The following RANBP2 variants were observed in gnomAD, a reference collection of about 807,000 sequenced individuals.
RANBP2 encodes RAN binding protein 2.
Under a neutral mutation model 303.6 loss-of-function variants are expected in RANBP2, and 57 were observed. The observed-to-expected ratio is 0.19, with a 90% confidence interval of 0.15 to 0.23. The LOEUF is 0.23. RANBP2 is among the 10% of genes least tolerant of loss of function. RANBP2 has a pLI of 1.00. For missense variants in RANBP2, 3,138 were observed against 3,780.8 expected (o/e 0.83, Z 4.46); for synonymous variants, 1,167 against 1,301.5 (o/e 0.90, Z 2.23).
chr2:109,531,956 C>A, the RANBP2 span, among the ~76,000 whole-genome samples: 57 of 152,346 alleles, frequency 3.7e-4, no homozygotes, highest in African/African-American at 1.3e-3. Flanking sequence ...AGATCTTTTT[C>A]AGGGTGACAG....
the RANBP2 span, among the ~76,000 whole-genome samples, chr2:108,837,037 CT>C: frequency 6.6e-6 from 1 of 151,890 alleles, no homozygotes; most frequent in Non-Finnish European, 1.5e-5. Context: ...AATTTGGATA[CT>C]TTTTATTTCT....
the RANBP2 span, among the ~76,000 whole-genome samples, chr2:108,898,394 G>A: frequency 3.6e-4 from 55 of 152,146 alleles, no homozygotes; most frequent in Non-Finnish European, 7.8e-4. Flanking sequence ...GTTGAGTGGG[G>A]AATTTGGATG....
the RANBP2 span, among the ~76,000 whole-genome samples, chr2:109,309,313 G>A: frequency 6.7e-6 from 1 of 150,322 alleles, no homozygotes; most frequent in Non-Finnish European, 1.5e-5. Context: ...ATCAGCTTAA[G>A]GAGATTTTGG....
chr2:109,102,762 A>T, the RANBP2 span, among the ~76,000 whole-genome samples: 1 of 152,134 alleles, frequency 6.6e-6, no homozygotes, highest in Admixed American at 6.5e-5. Context: ...AGGGTGTTCT[A>T]CTCTCTGCTG....
chr2:109,567,115 T>C, the RANBP2 span, among the ~76,000 whole-genome samples: 1 of 152,144 alleles, frequency 6.6e-6, no homozygotes, highest in African/African-American at 2.4e-5. Context: ...TTATTGAAAG[T>C]CACTGTTAGG....
chr2:109,516,034 T>A, the RANBP2 span, among the ~76,000 whole-genome samples: 9,751 of 152,232 alleles, frequency 0.064, 470 homozygotes, highest in African/African-American at 0.14. Flanking sequence ...GCTAACTACC[T>A]GCTTAATGCT....
the RANBP2 span, among the ~76,000 whole-genome samples, chr2:109,102,395 C>T: frequency 6.7e-6 from 1 of 150,014 alleles, no homozygotes; most frequent in Non-Finnish European, 1.5e-5. Flanking sequence ...CCACCGCGCC[C>T]GGCTGCCCAT....
the RANBP2 span, among the ~76,000 whole-genome samples, chr2:109,088,209 C>T: frequency 6.6e-6 from 1 of 151,830 alleles, no homozygotes; most frequent in East Asian, 1.9e-4. Flanking sequence ...CCATCCTGGC[C>T]AACATGGTGA....
chr2:109,442,085 G>A, the RANBP2 span, among the ~76,000 whole-genome samples: 32 of 152,174 alleles, frequency 2.1e-4, no homozygotes, highest in Admixed American at 2.1e-3. Flanking sequence ...GCTGAGACGG[G>A]TGGATCACGA....
chr2:109,307,397 G>A, the RANBP2 span, among the ~76,000 whole-genome samples: 1 of 151,766 alleles, frequency 6.6e-6, no homozygotes, highest in Non-Finnish European at 1.5e-5. Flanking sequence ...GCTCTGGGCG[G>A]AAGCTTGGAG....
chr2:109,614,954 G>C, the RANBP2 span: 6 of 1,525,590 alleles, frequency 3.9e-6, no homozygotes, highest in African/African-American at 2.8e-5. Context: ...CTCGCAGGAA[G>C]AACTCGCGGC....
the RANBP2 span, among the ~76,000 whole-genome samples, chr2:109,657,147 T>C: frequency 3.3e-5 from 5 of 152,136 alleles, no homozygotes; most frequent in Admixed American, 6.5e-5. Context: ...GGTTATTGAC[T>C]CTGCTCTGTG....
In RANBP2 at chr2:108,747,057, C is replaced by A. The variant is rs190740676; in HGVS notation, c.1063+259C>A. On this transcript the variant is annotated intron_variant, in intron 8 of 28. Coordinates refer to ENST00000283195, the MANE Select transcript of RANBP2 (RefSeq NM_006267.5). ...TTTATCTGGCTGCTAGAGCCTCTATCCTGAATATTTAGTCACTTCCTGAAC... is the reference window on the plus strand; with the variant it reads ...TTTATCTGGCTGCTAGAGCCTCTATACTGAATATTTAGTCACTTCCTGAAC... 3.3e-5 allele frequency among the ~76,000 whole-genome samples: 5 copies of A among 152,280 alleles called. No individual in the cohort carries two copies. In the East Asian group the frequency reaches 9.7e-4, roughly 29 times the overall value.
chr2:108,897,379 T>C, the RANBP2 span: 2 of 772,094 alleles, frequency 2.6e-6, no homozygotes, highest in Non-Finnish European at 2.1e-6. Context: ...AACAAATGCA[T>C]AACTTAAGGC....
chr2:109,731,861 C>T, the RANBP2 span, among the ~76,000 whole-genome samples: 2 of 146,510 alleles, frequency 1.4e-5, no homozygotes, highest in Non-Finnish European at 3.0e-5. Flanking sequence ...TTTTTTTTGG[C>T]GAGGAGGGCA....
At chr2:109,557,000 A>G in the RANBP2 span, among the ~76,000 whole-genome samples, 2 of 152,222 alleles carry the variant, frequency 1.3e-5, no homozygotes, top group East Asian at 1.9e-4. Context: ...GAAGGGGAAC[A>G]TCACACACCG....
At chr2:109,573,532 T>C in the RANBP2 span, among the ~76,000 whole-genome samples, 1 of 152,206 alleles carries the variant, frequency 6.6e-6, no homozygotes, top group Non-Finnish European at 1.5e-5. Context: ...ACCAAGCAAC[T>C]AGTCAAAAGT....
At chr2:109,070,858 T>TAAA in the RANBP2 span, among the ~76,000 whole-genome samples, 1 of 137,196 alleles carries the variant, frequency 7.3e-6, no homozygotes, top group East Asian at 2.2e-4. Flanking sequence ...AGACCCTATC[T>TAAA]AAAAAAAAAA....
At chr2:109,015,736 C>T in the RANBP2 span, among the ~76,000 whole-genome samples, 997 of 151,554 alleles carry the variant, frequency 6.6e-3, 14 homozygotes, top group African/African-American at 0.023. Flanking sequence ...CCAGCTTGGG[C>T]GACAGAGCAA....
Sources: gnomAD v4.1 joint callset for allele counts (sites outside exome capture counted in the v4.1 genomes callset) on GRCh38, gnomAD v4.1.1 for gene constraint, MANE v1.5 for transcripts, NCBI Gene and HGNC (gene_info 2026-07-23, HGNC 2026-07-21) for gene names.